The following DDX17 variants were observed in gnomAD, a reference collection of about 807,000 sequenced individuals.
DDX17 encodes DEAD-box helicase 17, also known as probable ATP-dependent RNA helicase DDX17.
In DDX17, 10 loss-of-function variants were observed where a neutral mutation model predicts 80.8. The observed-to-expected ratio is 0.12, with a 90% confidence interval of 0.08 to 0.21. DDX17 has a LOEUF of 0.21. Among genes scored for constraint, DDX17 ranks in the 10% least tolerant of loss-of-function variants. The pLI, the probability that DDX17 is intolerant of heterozygous loss-of-function variation, is 1.00. For synonymous variants in DDX17, 339 were observed against 336.2 expected (o/e 1.01, Z -0.09); for missense variants, 586 against 957.4 (o/e 0.61, Z 5.12).
intron 2 of DDX17, 129 bp downstream of exon 2, chr22:38,501,001 A>G: frequency 3.8e-6 from 5 of 1,299,594 alleles, no homozygotes; most frequent in Non-Finnish European, 5.1e-6. Flanking sequence ...TAACCAAAAA[A>G]TTTTTTAAGA....
chr22:38,499,669 CT>C (rs1441900768), intron 2 of DDX17, among the ~76,000 whole-genome samples, 170 bp from the exon 3 acceptor site: 1 of 152,032 alleles, frequency 6.6e-6, no homozygotes, highest in East Asian at 1.9e-4. Flanking sequence ...CTCCTACTTA[CT>C]TTGTAAGTTA....
Position 38,506,156 on chromosome 22 carries a change from T to G in DDX17, c.82A>C (p.Thr28Pro). The change falls in exon 1 of 13, where the codon ACG (threonine) becomes CCG (proline). Residue 28 changes from threonine (T) to proline (P), a missense_variant. Around this residue, in one of 4 missense-constraint regions of DDX17, gnomAD observed 215 missense variants for 238.4 expected, o/e 0.90. Transcript: ENST00000403230. ...TCTCGCTCCGACGCGCTGTCTCCCG[T>G]CGCAGACGCCACCGTCGCCGCCTCT... 3 of 1,588,838 alleles carry G rather than the reference T, an allele frequency of 1.9e-6. No individual in the cohort carries two copies. The highest frequency in any genetic ancestry group is 2.6e-6 in the Non-Finnish European group (3 of 1,169,262).
intron 1 of DDX17, among the ~76,000 whole-genome samples, chr22:38,502,591 G>A (rs957021482): frequency 3.3e-5 from 5 of 152,056 alleles, no homozygotes; most frequent in African/African-American, 1.2e-4. Context: ...TCAACTTCTT[G>A]CTTTTTATAT....
chr22:38,493,053 A>G (rs371941035), intron 10 of DDX17, among the ~76,000 whole-genome samples: 1 of 152,236 alleles, frequency 6.6e-6, no homozygotes. Flanking sequence ...CGTGGCCCTT[A>G]AAGAACCATG....
intron 1 of DDX17, chr22:38,505,566 C>T (rs1017939194): frequency 4.5e-5 from 9 of 200,484 alleles, no homozygotes; most frequent in East Asian, 3.4e-4. Flanking sequence ...TTCAGATGAA[C>T]GCCGAGGCCT....
chr22:38,495,976 G>A lies in DDX17; in HGVS notation c.739-39C>T, dbSNP rs1156470174. 2.9e-5 allele frequency: 19 copies of A among 646,962 alleles called. No homozygotes were observed. In the African/African-American group the frequency reaches 4.6e-4, roughly 16 times the overall value. The allele number at this position is 646,962 out of a possible 1,614,324, so 40.1% of individuals were successfully genotyped here. ...AAAGACACTTGAGACCTCATCCAAG[G>A]TTTAAAAAAAAAAAAAAAAAAAAGA... On this transcript the variant is annotated intron_variant, in intron 5 of 12. Transcript: ENST00000403230.
At chr22:38,494,167 A>G (rs770320093) in intron 8 of DDX17, 36 bp from the exon 9 acceptor site, 3 of 1,412,454 alleles carry the variant, frequency 2.1e-6, no homozygotes, top group Non-Finnish European at 3.0e-6. Context: ...CATCACACAG[A>G]AAGTTATTAT....
intron 9 of DDX17, 53 bp downstream of exon 9, chr22:38,493,968 A>ACT (rs2089737187): frequency 6.9e-7 from 1 of 1,449,778 alleles, no homozygotes; most frequent in Non-Finnish European, 9.6e-7. Flanking sequence ...CCAATTTAGA[A>ACT]ATTTCCAGTT....
intron 5 of DDX17, among the ~76,000 whole-genome samples, chr22:38,497,007 A>G (rs572375993): frequency 4.6e-5 from 7 of 152,262 alleles, no homozygotes; most frequent in Admixed American, 2.0e-4. Flanking sequence ...ATTTCTTAAA[A>G]AAGTTAAGTA....
intron 3 of DDX17, 115 bp downstream of exon 3, chr22:38,499,285 A>G (rs1471317036): frequency 1.3e-6 from 1 of 755,750 alleles, no homozygotes; most frequent in African/African-American, 1.7e-5. Flanking sequence ...CATAAAAACA[A>G]TCTCTTGTCC....
chr22:38,490,227 G>A (rs1488831398), intron 11 of DDX17: 15 of 1,225,772 alleles, frequency 1.2e-5, no homozygotes, highest in Non-Finnish European at 1.6e-5. Flanking sequence ...AGAAGATGCT[G>A]TAGCAGGGTA....
intron 10 of DDX17, 106 bp downstream of exon 10, chr22:38,493,604 A>G: frequency 1.2e-6 from 1 of 862,130 alleles, no homozygotes; most frequent in Non-Finnish European, 1.9e-6. Flanking sequence ...CATACTTACT[A>G]TGTGGCCCTT....
chr22:38,487,078 G>T (rs2089667018), intron 12 of DDX17, among the ~76,000 whole-genome samples: 3 of 152,186 alleles, frequency 2.0e-5, no homozygotes, highest in African/African-American at 4.8e-5. Context: ...TGAAGCAGGA[G>T]AATCACTTGA....
intron 5 of DDX17, 91 bp from the exon 6 acceptor site, chr22:38,496,028 A>C: frequency 8.2e-7 from 1 of 1,220,452 alleles, no homozygotes; most frequent in Non-Finnish European, 1.1e-6. Context: ...AAGCTAATTT[A>C]ATTCTTTGCT....
intron 3 of DDX17, among the ~76,000 whole-genome samples, chr22:38,499,199 T>C (rs371073859): frequency 8.1e-4 from 123 of 152,256 alleles, no homozygotes; most frequent in African/African-American, 2.9e-3. Flanking sequence ...GGCAAAACCC[T>C]AGAAAAAGAC....
rs2089689052 is a variant in DDX17 at position 38,489,034 on chromosome 22, G to C, written c.1448-919C>G. ...ACCTCCTAAGGCTTAAAATGTAAAT[G>C]TTAGTGTAATGCTTTCAGCTGAATG... On this transcript the variant is annotated intron_variant, in intron 11 of 12. Coordinates refer to ENST00000403230, the MANE Select transcript of DDX17 (RefSeq NM_006386.5). The surrounding 1 kb of genome is among the most constrained non-coding windows in gnomAD (Gnocchi z 4.6). 1.0e-6 allele frequency: 1 copy of C among 984,578 alleles called. No homozygotes were observed. Among genetic ancestry groups the C allele is most frequent in the African/African-American group, 1.7e-5 (1 of 57,174 alleles). 61.0% of individuals were successfully genotyped at this position (984,578 alleles called of 1,614,324 possible).
chr22:38,490,067 T>C, intron 11 of DDX17: 3 of 1,072,100 alleles, frequency 2.8e-6, no homozygotes, highest in Middle Eastern at 4.5e-4. Context: ...GCAGACATGA[T>C]GCAAGTTCTT....
intron 2 of DDX17, 87 bp downstream of exon 2, chr22:38,501,043 A>G (rs895208919): frequency 6.1e-6 from 9 of 1,474,216 alleles, no homozygotes; most frequent in Non-Finnish European, 8.1e-6. Context: ...AAAATGTAAA[A>G]CGGCAACAGT....
chr22:38,502,989 G>A (rs549872593), intron 1 of DDX17, among the ~76,000 whole-genome samples: 10 of 152,262 alleles, frequency 6.6e-5, no homozygotes, highest in East Asian at 3.9e-4. Flanking sequence ...AAATACATAC[G>A]TAACAAAAAT....
Sources: allele counts gnomAD v4.1 joint callset (sites outside exome capture counted in the v4.1 genomes callset), GRCh38; gene constraint gnomAD v4.1.1; regional missense constraint gnomAD v4.1.1; non-coding constraint Gnocchi (gnomAD v3.1); transcripts MANE v1.5; gene names NCBI Gene and HGNC (gene_info 2026-07-23, HGNC 2026-07-21).